Variants in ZFHX4 observed in about 807,000 individuals in gnomAD.
The protein encoded by ZFHX4 is zinc finger homeobox protein 4.
A neutral mutation model predicts 267.6 loss-of-function variants in ZFHX4; 56 were observed. That is an observed-to-expected ratio of 0.21 (90% CI 0.17 to 0.26). The LOEUF (loss-of-function observed/expected upper bound fraction) is 0.26, where lower values mean the gene tolerates loss of function less well. Ranked by LOEUF, ZFHX4 falls within the 10% of genes least tolerant of loss-of-function variation. The pLI, the probability that ZFHX4 is intolerant of heterozygous loss-of-function variation, is 1.00. For missense variants in ZFHX4, 4,332 were observed against 4,420.0 expected, an observed-to-expected ratio of 0.98 and a Z score of 0.56; for synonymous variants, 1,778 against 1,665.6, an observed-to-expected ratio of 1.07 and a Z score of -1.64.
At chr8:76,801,521 T>A (rs956164010) in intron 4 of ZFHX4, among the ~76,000 whole-genome samples, 4 of 152,208 alleles carry the variant, frequency 2.6e-5, no homozygotes, top group Non-Finnish European at 4.4e-5. Context: ...ATTGCAAGCA[T>A]TAGAACCAGG....
Position 76,851,021 on chromosome 8 carries a change from A to G in ZFHX4, c.4100A>G (p.Asp1367Gly), listed in dbSNP as rs1563558132. 5 of 1,613,810 alleles carry G rather than the reference A, an allele frequency of 3.1e-6. No homozygotes were observed. Among genetic ancestry groups the G allele is most frequent in the Non-Finnish European group, 4.2e-6 (5 of 1,179,882 alleles). ...GAATGGAATAAAAATAGCAGTAAGGATGTGAAAATCCCCGACACACTGCAA... is the reference window on the plus strand; with the variant it reads ...GAATGGAATAAAAATAGCAGTAAGGGTGTGAAAATCCCCGACACACTGCAA... ...VSEWNKNSSKDVKIPDTLQDQ... is the reference protein window; with the variant it reads ...VSEWNKNSSKGVKIPDTLQDQ... Residue 1367 changes from aspartate to glycine, a missense_variant, in exon 10 of 11, where the codon GAT (aspartate) becomes GGT (glycine). Physicochemically the swap from Asp to Gly is moderately conservative, Grantham distance 94. Around this residue, in one of 7 missense-constraint regions of ZFHX4, gnomAD observed 1,371 missense variants for 1,423.1 expected, o/e 0.96. Transcript: ENST00000651372.
intron 4 of ZFHX4, among the ~76,000 whole-genome samples, chr8:76,823,755 TA>T (rs1360617626): frequency 1.3e-5 from 2 of 152,230 alleles, no homozygotes; most frequent in East Asian, 3.8e-4. Flanking sequence ...ATCATGTTGG[TA>T]AAAAACATTA....
rs779791348 is a variant in ZFHX4 at position 76,851,536 on chromosome 8, C to T, written c.4615C>T (p.Arg1539Cys). 2.5e-6 allele frequency: 4 copies of T among 1,613,870 alleles called. No homozygotes were observed. Among genetic ancestry groups the T allele is most frequent in the South Asian group, 1.1e-5 (1 of 91,076 alleles). ...GATGGAAAAATTCCTTGATCCATCT[C>T]GTCCATATAAATGTACAGTGTGTAA... ...FTMEKFLDPS[R>C]PYKCTVCKES... Residue 1539 changes from arginine to cysteine, a missense_variant, in exon 10 of 11, where the codon CGT (arginine) becomes TGT (cysteine). By Grantham distance (180) the Arg-to-Cys change is radical. This residue lies in a region of ZFHX4 where 1,371 missense variants were observed against 1,423.1 expected (regional missense o/e 0.96). Transcript: ENST00000651372.
rs199540661 is a variant in ZFHX4, at chr8:76,863,415, G to A, written c.9701G>A (p.Gly3234Asp). 1,698 of 1,613,970 alleles carry A rather than the reference G, an allele frequency of 1.1e-3. 2 individuals carry two copies. Among genetic ancestry groups the A allele is most frequent in the Non-Finnish European group, 1.3e-3 (1,582 of 1,179,860 alleles). The change falls in exon 11 of 11, where the codon GGT becomes GAT. Residue 3234 changes from glycine (G) to aspartate (D), a missense_variant. Transcript: ENST00000651372. ...SALSVLGKVVGETHVDPIQLQ... is the reference protein window; with the variant it reads ...SALSVLGKVVDETHVDPIQLQ... ...CTTTCAGTGTTGGGCAAAGTTGTAG[G>A]TGAAACACATGTCGATCCTATTCAG...
chr8:76,715,510 A>C (rs1585876068), intron 3 of ZFHX4, among the ~76,000 whole-genome samples: 1 of 138,270 alleles, frequency 7.2e-6, no homozygotes, highest in Non-Finnish European at 1.5e-5. Context: ...AAAAAAAAAG[A>C]AATGCAAAAT....
chr8:76,840,208 A>T (rs564792289), intron 5 of ZFHX4, among the ~76,000 whole-genome samples: 2 of 152,310 alleles, frequency 1.3e-5, no homozygotes, highest in South Asian at 4.1e-4. Flanking sequence ...AGGGGAAAAA[A>T]GTCACAGAAG....
At chr8:76,804,022 A>G (rs1272920608) in intron 4 of ZFHX4, among the ~76,000 whole-genome samples, 1 of 152,104 alleles carries the variant, frequency 6.6e-6, no homozygotes, top group Non-Finnish European at 1.5e-5. Context: ...CTGAGAAAAT[A>G]CTCACCTCAA....
At chr8:76,682,452 G>C (rs1724402354) in intron 1 of ZFHX4, 1 of 152,400 alleles carries the variant, frequency 6.6e-6, no homozygotes, top group Non-Finnish European at 1.5e-5. Flanking sequence ...GGGCGCGGCA[G>C]GCACTACCGA....
At chr8:76,811,143 C>T (rs1447919650) in intron 4 of ZFHX4, among the ~76,000 whole-genome samples, 2 of 152,166 alleles carry the variant, frequency 1.3e-5, no homozygotes, top group Non-Finnish European at 2.9e-5. Context: ...CCACATTTGT[C>T]AGTCTCTGCC....
intron 4 of ZFHX4, among the ~76,000 whole-genome samples, chr8:76,789,619 A>G (rs903688051): frequency 6.6e-6 from 1 of 152,176 alleles, no homozygotes; most frequent in Non-Finnish European, 1.5e-5. Flanking sequence ...TAGTTTATTC[A>G]TCTCCATTAA....
rs551432828 is a variant in ZFHX4 at position 76,861,316 on chromosome 8, C to T, written c.9380-1778C>T. ...TAAACCAGAAGATAAATTGGAGTGA[C>T]AGCTGTAAAATTTAGTCTCCTCTAG... On this transcript the variant is annotated intron_variant, in intron 10 of 10. Coordinates refer to ENST00000651372, the MANE Select transcript of ZFHX4 (RefSeq NM_024721.5). 1.9e-4 allele frequency among the ~76,000 whole-genome samples: 29 copies of T among 152,212 alleles called. No homozygotes were observed. In the South Asian group the frequency reaches 5.8e-3, roughly 30 times the overall value.
chr8:76,746,044 C>T (rs150899672), intron 3 of ZFHX4, among the ~76,000 whole-genome samples: 142 of 152,204 alleles, frequency 9.3e-4, no homozygotes, highest in African/African-American at 3.3e-3. Flanking sequence ...TGTAGGGTGT[C>T]GGTTCTCAGG....
At chr8:76,774,267 A>C (rs1361134434) in intron 3 of ZFHX4, among the ~76,000 whole-genome samples, 1 of 152,118 alleles carries the variant, frequency 6.6e-6, no homozygotes, top group Non-Finnish European at 1.5e-5. Context: ...CTAGAAAAAA[A>C]ATTGAAGTGA....
At chr8:76,724,954 A>G (rs1274350133) in intron 3 of ZFHX4, among the ~76,000 whole-genome samples, 1 of 151,984 alleles carries the variant, frequency 6.6e-6, no homozygotes, top group Non-Finnish European at 1.5e-5. Context: ...ATAGCAGCAT[A>G]TATTTTCTCT....
chr8:76,783,027 A>T (rs1162530931), intron 4 of ZFHX4, among the ~76,000 whole-genome samples: 2 of 152,074 alleles, frequency 1.3e-5, no homozygotes, highest in Non-Finnish European at 1.5e-5. Flanking sequence ...GAGCATAGAA[A>T]GGTCTCTTAT....
chr8:76,704,505 A>G lies in ZFHX4; in HGVS notation c.417A>G (p.Ala139=). 1.9e-6 allele frequency: 3 copies of G among 1,613,992 alleles called. No individual in the cohort carries two copies. Among genetic ancestry groups the G allele is most frequent in the Non-Finnish European group, 2.5e-6 (3 of 1,179,900 alleles). The change falls in exon 2 of 11, where the codon GCA becomes GCG. Residue 139 remains alanine (A), a synonymous_variant. Transcript: ENST00000651372. ...TCGTTTACCAGCCTGATGGGTCAGC[A>G]TATATAATTGAGGACTCCAAAGAAA... ...GEIVYQPDGS[A]YIIEDSKESG...
chr8:76,704,561 G>A lies in ZFHX4; in HGVS notation c.473G>A (p.Ser158Asn), dbSNP rs1397943056. Residue 158 changes from serine (S) to asparagine (N), a missense_variant, in exon 2 of 11, where the codon AGC (serine) becomes AAC (asparagine). Ser to Asn is a conservative substitution (Grantham distance 46, BLOSUM62 1). This residue lies in a region of ZFHX4 where 1,195 missense variants were observed against 1,173.6 expected (regional missense o/e 1.02). Coordinates refer to ENST00000651372, the MANE Select transcript of ZFHX4 (RefSeq NM_024721.5). Reference protein sequence around the residue: ...SGQNAQTGANSKLFSTAMFLD... With the variant: ...SGQNAQTGANNKLFSTAMFLD... ...CAGAATGCACAGACTGGGGCAAATA[G>A]CAAACTCTTTTCTACAGCGATGTTC... 2.5e-6 allele frequency: 4 copies of A among 1,613,812 alleles called. No individual in the cohort carries two copies. Among genetic ancestry groups the A allele is most frequent in the Admixed American group, 1.7e-5 (1 of 60,000 alleles).
intron 4 of ZFHX4, among the ~76,000 whole-genome samples, chr8:76,825,224 T>C (rs1013384600): frequency 2.6e-5 from 4 of 152,250 alleles, no homozygotes; most frequent in African/African-American, 9.6e-5. Flanking sequence ...GTACAACTAC[T>C]ACTTATTCAA....
At chr8:76,763,266 C>G (rs920027151) in intron 3 of ZFHX4, among the ~76,000 whole-genome samples, 1 of 152,150 alleles carries the variant, frequency 6.6e-6, no homozygotes, top group African/African-American at 2.4e-5. Flanking sequence ...GCCTGAGACT[C>G]TTCAGCGATA....
Sources: gnomAD v4.1 joint callset for allele counts (sites outside exome capture counted in the v4.1 genomes callset) on GRCh38, gnomAD v4.1.1 for gene constraint, gnomAD v4.1.1 regional missense constraint, MANE v1.5 for transcripts, NCBI Gene and HGNC (gene_info 2026-07-23, HGNC 2026-07-21) for gene names.